Variants in GGNBP2 observed in about 807,000 individuals in gnomAD.
GGNBP2 encodes gametogenetin-binding protein 2.
A neutral mutation model predicts 85.9 loss-of-function variants in GGNBP2; 10 were observed. The ratio of observed to expected loss-of-function variants is 0.12; its 90% CI spans 0.07 to 0.20. The LOEUF is 0.20. Ranked by LOEUF, GGNBP2 falls within the 10% of genes least tolerant of loss-of-function variation. GGNBP2 has a pLI of 1.00. For missense variants in GGNBP2, 595 were observed against 857.8 expected (o/e 0.69, Z 3.83); for synonymous variants, 287 against 285.7 (o/e 1.00, Z -0.05).
At chr17:36,582,654 A>AT (rs1279292047) in intron 9 of GGNBP2, among the ~76,000 whole-genome samples, 6 of 152,194 alleles carry the variant, frequency 3.9e-5, no homozygotes, top group Non-Finnish European at 8.8e-5. Flanking sequence ...TGTAGTCTGT[A>AT]TAAGCCAGAA....
At chr17:36,581,201 C>T (rs1252721900) in intron 8 of GGNBP2, 143 bp from the exon 9 acceptor site, 23 of 541,972 alleles carry the variant, frequency 4.2e-5, no homozygotes, top group South Asian at 7.9e-5. Flanking sequence ...AGGAGAATGG[C>T]GTGAACCCAG....
chr17:36,583,153 A>G lies in GGNBP2; in HGVS notation c.1215+1615A>G, dbSNP rs548895306. On this transcript the variant is annotated intron_variant, in intron 9 of 13. Coordinates refer to ENST00000613102, the MANE Select transcript of GGNBP2 (RefSeq NM_024835.5). ...ACTGCAACCTCCGCCTCTCGGGTTC[A>G]AGCAATTCTCCTGCCTCAGCCACCC... is the stretch of plus-strand genomic sequence containing the variant. Among the ~76,000 whole-genome samples the G allele has an allele frequency of 3.3e-5, 5 of 152,142 alleles. No individual in the cohort carries two copies. The South Asian group carries it at 1.0e-3, about 32-fold the overall frequency.
intron 7 of GGNBP2, 178 bp downstream of exon 7, chr17:36,578,364 G>A (rs987559848): frequency 3.7e-6 from 2 of 545,616 alleles, no homozygotes; most frequent in Non-Finnish European, 6.4e-6. Context: ...TGAAAATAGG[G>A]AAAAACTGTT....
Position 36,574,991 on chromosome 17 carries a change from C to T in GGNBP2, c.642-2992C>T, listed in dbSNP as rs1031141229. On this transcript the variant is annotated intron_variant, in intron 6 of 13. Transcript: ENST00000613102. ...CTTGAACCTGGTGCGCTGGCCGGCA[C>T]GGGTCTGCTTCTGCACTGGCATAAT... The T allele has an allele frequency of 2.4e-5, 36 of 1,529,328 alleles. No individual in the cohort carries two copies. In the East Asian group the frequency reaches 3.8e-4, roughly 16 times the overall value. 94.7% of individuals were successfully genotyped at this position (1,529,328 alleles called of 1,614,324 possible). A position where few individuals can be genotyped will look rare whatever the true frequency, so the allele number is the denominator to read the frequency against.
intron 6 of GGNBP2, among the ~76,000 whole-genome samples, chr17:36,574,120 A>G (rs911682298): frequency 3.9e-5 from 6 of 152,172 alleles, no homozygotes; most frequent in African/African-American, 1.2e-4. Flanking sequence ...AGTTTAATGC[A>G]TAGTCATGTG....
chr17:36,551,830 A>C (rs2074311623), intron 2 of GGNBP2, among the ~76,000 whole-genome samples: 1 of 150,610 alleles, frequency 6.6e-6, no homozygotes. Context: ...ACCCTGTCTC[A>C]AAAAAAAAAT....
chr17:36,548,102 T>G (rs2074271671), intron 2 of GGNBP2, among the ~76,000 whole-genome samples: 3 of 152,224 alleles, frequency 2.0e-5, no homozygotes, highest in Admixed American at 2.0e-4. Flanking sequence ...TCTTTGTCCC[T>G]AGGGTCTGTA....
intron 6 of GGNBP2, chr17:36,574,407 C>CT (rs76600911): frequency 8.9e-3 from 1,355 of 152,592 alleles, no homozygotes; most frequent in Middle Eastern, 0.018. Flanking sequence ...CGACTGTAGT[C>CT]TTTTTTTTTT....
chr17:36,583,580 T>C (rs535234135), intron 9 of GGNBP2, among the ~76,000 whole-genome samples: 1 of 151,394 alleles, frequency 6.6e-6, no homozygotes, highest in East Asian at 2.0e-4. Flanking sequence ...TGCCTCAGCC[T>C]CCCAAGTAGC....
chr17:36,545,381 T>G, intron 1 of GGNBP2: 2 of 262,084 alleles, frequency 7.6e-6, no homozygotes, highest in African/African-American at 2.5e-5. Flanking sequence ...CCGCCTCTCC[T>G]TTGGACCCTG....
chr17:36,545,574 T>G (rs917653557), intron 1 of GGNBP2, 45 bp from the exon 2 acceptor site: 36 of 625,918 alleles, frequency 5.8e-5, no homozygotes, highest in South Asian at 1.5e-4. Context: ...GCGAATGTGC[T>G]GCGCAGCGGC....
chr17:36,557,165 T>C lies in GGNBP2; in HGVS notation c.257T>C (p.Leu86Pro). 1 of 1,614,196 alleles carries C rather than the reference T, an allele frequency of 6.2e-7. No homozygotes were observed. Among genetic ancestry groups the C allele is most frequent in the Non-Finnish European group, 8.5e-7 (1 of 1,180,034 alleles). Reference protein sequence around the residue: ...SREVLSALSQLVPCVGCRRSV... With the variant: ...SREVLSALSQPVPCVGCRRSV... ...GAAGTCCTGAGTGCACTTTCTCAGC[T>C]TGTCCCATGTGTTGGTTGTCGTCGC... is the stretch of plus-strand genomic sequence containing the variant. The change falls in exon 4 of 14, where the codon CTT (leucine) becomes CCT (proline). Residue 86 changes from leucine (L) to proline (P), a missense_variant. Around this residue, in one of 9 missense-constraint regions of GGNBP2, gnomAD observed 216 missense variants for 293.4 expected, o/e 0.74. Coordinates refer to ENST00000613102, the MANE Select transcript of GGNBP2 (RefSeq NM_024835.5).
chr17:36,551,195 G>A (rs923344911), intron 2 of GGNBP2, among the ~76,000 whole-genome samples: 2 of 149,520 alleles, frequency 1.3e-5, no homozygotes, highest in African/African-American at 2.4e-5. Flanking sequence ...AAAAATAACC[G>A]TGTTCTTTAT....
intron 5 of GGNBP2, among the ~76,000 whole-genome samples, chr17:36,567,110 A>C (rs1418040605): frequency 2.0e-5 from 3 of 152,150 alleles, no homozygotes; most frequent in Non-Finnish European, 4.4e-5. Flanking sequence ...AAAAGGGAAA[A>C]TACTTGATAA....
chr17:36,572,345 TTC>T (rs1291808510), intron 6 of GGNBP2, among the ~76,000 whole-genome samples: 1 of 152,238 alleles, frequency 6.6e-6, no homozygotes, highest in Non-Finnish European at 1.5e-5. Context: ...TGTCCGTTTT[TTC>T]TCTCCTAAAG....
chr17:36,567,044 T>G (rs950199454), intron 5 of GGNBP2, among the ~76,000 whole-genome samples: 4 of 152,088 alleles, frequency 2.6e-5, no homozygotes, highest in African/African-American at 9.7e-5. Flanking sequence ...GATGATCTCA[T>G]TAAGTAGATC....
At chr17:36,545,909 A>G (rs757911325) in intron 2 of GGNBP2, 92 bp downstream of exon 2, 3 of 896,746 alleles carry the variant, frequency 3.3e-6, no homozygotes, top group Non-Finnish European at 5.2e-6. Context: ...CGCACTGGAG[A>G]AAGAGTGTGT....
chr17:36,552,295 A>G (rs1182988255), intron 2 of GGNBP2, among the ~76,000 whole-genome samples: 3 of 152,190 alleles, frequency 2.0e-5, no homozygotes, highest in South Asian at 2.1e-4. Context: ...ACTATTAACT[A>G]TTTTATTGCT....
In GGNBP2 at chr17:36,545,690, AGGTGGTGAC is replaced by A; in HGVS notation, c.-29_-21del. On this transcript the variant is annotated 5_prime_UTR_variant, in exon 2 of 14. Transcript: ENST00000613102. ...GGCGGCGGCGGCGGCAGCTGGGAGGAGGTGGTGACGGTGGCAACGGCAGCGTCGGGGACG... is the reference window on the plus strand; with the variant it reads ...GGCGGCGGCGGCGGCAGCTGGGAGGAGGTGGCAACGGCAGCGTCGGGGACG... 6.7e-7 allele frequency: 1 copy of A among 1,489,288 alleles called. No individual in the cohort carries two copies. The highest frequency in any genetic ancestry group is 1.2e-5 in the South Asian group (1 of 82,802). The allele number at this position is 1,489,288 out of a possible 1,614,324, so 92.3% of individuals were successfully genotyped here.
Sources: gnomAD v4.1 joint callset for allele counts (sites outside exome capture counted in the v4.1 genomes callset) on GRCh38, gnomAD v4.1.1 for gene constraint, gnomAD v4.1.1 regional missense constraint, MANE v1.5 for transcripts, NCBI Gene and HGNC (gene_info 2026-07-23, HGNC 2026-07-21) for gene names.